Variants in GSTA4 observed in about 807,000 individuals in gnomAD.
GSTA4 encodes the protein glutathione S-transferase alpha 4.
In GSTA4, 15 loss-of-function variants were observed where a neutral mutation model predicts 24.4. That is an observed-to-expected ratio of 0.61 (90% CI 0.41 to 0.95). The LOEUF (loss-of-function observed/expected upper bound fraction) is 0.95. Among genes scored for constraint, GSTA4 ranks in the 40% least tolerant of loss-of-function variants. The pLI is 0.00. For missense variants in GSTA4, 244 were observed against 262.1 expected (o/e 0.93, Z 0.48); for synonymous variants, 92 against 94.2 (o/e 0.98, Z 0.13).
intron 1 of GSTA4, chr6:52,994,525 T>C (rs1763728869): frequency 1.8e-5 from 7 of 389,514 alleles, no homozygotes; most frequent in Non-Finnish European, 3.3e-5. Context: ...TAAAAACATA[T>C]GTGCTAGCAG....
chr6:52,985,359 C>A, intron 4 of GSTA4, 92 bp downstream of exon 4: 1 of 1,232,516 alleles, frequency 8.1e-7, no homozygotes, highest in Non-Finnish European at 1.1e-6. Context: ...CTATGTAAGA[C>A]ATAAAGTAAA....
chr6:52,989,334 C>T (rs954599985), intron 2 of GSTA4, among the ~76,000 whole-genome samples: 4 of 152,190 alleles, frequency 2.6e-5, no homozygotes, highest in Non-Finnish European at 4.4e-5. Context: ...CTTGCTTTTG[C>T]TTTGCACTGC....
At chr6:52,980,643 C>G (rs1196658997) in intron 6 of GSTA4, among the ~76,000 whole-genome samples, 1 of 152,144 alleles carries the variant, frequency 6.6e-6, no homozygotes, top group Non-Finnish European at 1.5e-5. Flanking sequence ...CTACCTACTT[C>G]TGGGTTCAGC....
At chr6:52,994,464 T>C in intron 1 of GSTA4, 1 of 523,580 alleles carries the variant, frequency 1.9e-6, no homozygotes, top group Non-Finnish European at 3.4e-6. Flanking sequence ...TTATATGATT[T>C]CTATTTATGA....
At chr6:52,992,200 A>G (rs1446602304) in intron 2 of GSTA4, among the ~76,000 whole-genome samples, 1 of 152,234 alleles carries the variant, frequency 6.6e-6, no homozygotes, top group African/African-American at 2.4e-5. Flanking sequence ...AAAAAGGTAA[A>G]CCTGAAAGAG....
At position 52,978,161 on chromosome 6, in the gene GSTA4, G is replaced by C. The variant is rs760222435; in HGVS notation, c.*309C>G. The C allele has an allele frequency of 1.0e-4, 31 of 299,462 alleles. No homozygotes were observed. The highest frequency in any genetic ancestry group is 1.7e-4 in the Admixed American group (3 of 17,748). The allele number at this position is 299,462 out of a possible 1,614,324, so 18.6% of individuals were successfully genotyped here. ...GGAGAGTAGAAAGACACTCAGGAGA[G>C]AACAAGAGATCCTGCCCATTCTTAT... On this transcript the variant is annotated 3_prime_UTR_variant, in exon 7 of 7. Transcript: ENST00000370963.
intron 1 of GSTA4, among the ~76,000 whole-genome samples, chr6:52,994,837 G>T (rs113577560): frequency 9.2e-5 from 14 of 152,256 alleles, no homozygotes; most frequent in African/African-American, 3.4e-4. Context: ...ACAGGGAGAT[G>T]AGCCCCCGGC....
At chr6:52,984,319 A>G in intron 5 of GSTA4, 145 bp downstream of exon 5, 1 of 683,676 alleles carries the variant, frequency 1.5e-6, no homozygotes, top group Non-Finnish European at 2.5e-6. Context: ...TGTGGCTACT[A>G]TTCGCTCTTA....
intron 6 of GSTA4, among the ~76,000 whole-genome samples, chr6:52,979,519 T>C (rs1763410512): frequency 6.6e-6 from 1 of 152,206 alleles, no homozygotes; most frequent in African/African-American, 2.4e-5. Flanking sequence ...CAGAATCAAA[T>C]CTTACCAATT....
chr6:52,991,756 C>CTTT lies in GSTA4; in HGVS notation c.87+2398_87+2400dup, dbSNP rs11440808. ...GCACCCAGATCTTGGCTATTAATAC[C>CTTT]TTTTTTTTTTTTTTTTTTTGAGATG... On this transcript the variant is annotated intron_variant, in intron 2 of 6. Coordinates refer to ENST00000370963, the MANE Select transcript of GSTA4 (RefSeq NM_001512.4). Among the ~76,000 whole-genome samples, 101 of 130,128 alleles carry CTTT rather than the reference C, an allele frequency of 7.8e-4. 1 individual carries two copies. Among genetic ancestry groups the CTTT allele is most frequent in the Middle Eastern group, 4.1e-3 (1 of 246 alleles). The allele number at this position is 130,128 out of a possible 152,430, so 85.4% of individuals were successfully genotyped here. A position where few individuals can be genotyped will look rare whatever the true frequency, so the allele number is the denominator to read the frequency against.
chr6:52,985,405 C>T, intron 4 of GSTA4, 46 bp downstream of exon 4: 1 of 1,573,016 alleles, frequency 6.4e-7, no homozygotes, highest in Non-Finnish European at 8.7e-7. Flanking sequence ...TCAGCTAAGG[C>T]ATCAGTAAGC....
Position 52,978,474 on chromosome 6 carries a change from G to T in GSTA4, c.665C>A (p.Pro222Gln), listed in dbSNP as rs1267911074. Residue 222 changes from proline (P) to glutamine (Q), a missense_variant, in exon 7 of 7, where the codon CCA (proline) becomes CAA (glutamine). Pro to Gln is a moderately conservative substitution (Grantham distance 76). Coordinates refer to ENST00000370963, the MANE Select transcript of GSTA4 (RefSeq NM_001512.4). ...CTCACACATGGATGTGTTGTTTTATGGCCTAAAGATGTTGTAGACGGTTCT... is the reference window on the plus strand; with the variant it reads ...CTCACACATGGATGTGTTGTTTTATTGCCTAAAGATGTTGTAGACGGTTCT... ...YVRTVYNIFR[P>Q] 2 of 1,613,266 alleles carry T rather than the reference G, an allele frequency of 1.2e-6. No individual in the cohort carries two copies. Among genetic ancestry groups the T allele is most frequent in the Non-Finnish European group, 1.7e-6 (2 of 1,179,598 alleles).
At chr6:52,987,176 G>C (rs1475048914) in intron 3 of GSTA4, among the ~76,000 whole-genome samples, 181 bp downstream of exon 3, 1 of 152,128 alleles carries the variant, frequency 6.6e-6, no homozygotes, top group Non-Finnish European at 1.5e-5. Context: ...AGCTTTTATG[G>C]AACTATTGAA....
chr6:52,987,466 GA>G, intron 2 of GSTA4, 58 bp from the exon 3 acceptor site: 1 of 916,060 alleles, frequency 1.1e-6, no homozygotes, highest in Non-Finnish European at 1.7e-6. Flanking sequence ...CAGCCATTAA[GA>G]AAACAAAATC....
chr6:52,991,788 C>T (rs983715160), intron 2 of GSTA4, among the ~76,000 whole-genome samples: 7 of 139,748 alleles, frequency 5.0e-5, no homozygotes, highest in East Asian at 4.1e-4. Flanking sequence ...GATGGAGTCT[C>T]GTTCTGTTGT....
At chr6:52,980,172 A>T (rs1763422482) in intron 6 of GSTA4, among the ~76,000 whole-genome samples, 1 of 152,126 alleles carries the variant, frequency 6.6e-6, no homozygotes, top group Admixed American at 6.5e-5. Context: ...TTACCAAAAA[A>T]CCTTGATCTC....
intron 5 of GSTA4, 31 bp from the exon 6 acceptor site, chr6:52,982,736 T>C: frequency 6.3e-7 from 1 of 1,579,984 alleles, no homozygotes; most frequent in South Asian, 1.1e-5. Flanking sequence ...TCAGTTACAA[T>C]ATTCCACATG....
chr6:52,990,028 T>C (rs572099056), intron 2 of GSTA4, among the ~76,000 whole-genome samples: 1 of 151,980 alleles, frequency 6.6e-6, no homozygotes. Flanking sequence ...TTATATGATA[T>C]ATGCAGGGAC....
chr6:52,979,269 T>C (rs1763404809), intron 6 of GSTA4, among the ~76,000 whole-genome samples: 1 of 152,218 alleles, frequency 6.6e-6, no homozygotes, highest in Non-Finnish European at 1.5e-5. Flanking sequence ...TGAAGTGCAC[T>C]GATCTGCTGG....
Sources: allele counts gnomAD v4.1 joint callset (sites outside exome capture counted in the v4.1 genomes callset), GRCh38; gene constraint gnomAD v4.1.1; transcripts MANE v1.5; gene names NCBI Gene and HGNC (gene_info 2026-07-23, HGNC 2026-07-21).